Variants in GRIA1 observed in about 807,000 individuals in gnomAD.
GRIA1 encodes glutamate ionotropic receptor AMPA type subunit 1, also known as glutamate receptor 1.
In GRIA1, 31 loss-of-function variants were observed where a neutral mutation model predicts 99.2. That is an observed-to-expected ratio of 0.31 (90% CI 0.23 to 0.42). The LOEUF is 0.42. Ranked by LOEUF, GRIA1 falls within the 10% of genes least tolerant of loss-of-function variation. The pLI, the probability that GRIA1 is intolerant of heterozygous loss-of-function variation, is 1.00. For missense variants in GRIA1, 782 were observed against 1,157.5 expected (o/e 0.68, Z 4.71); for synonymous variants, 438 against 432.4 (o/e 1.01, Z -0.16).
intron 11 of GRIA1, among the ~76,000 whole-genome samples, chr5:153,749,380 A>G (rs1447301599): frequency 1.3e-5 from 2 of 152,170 alleles, no homozygotes; most frequent in Non-Finnish European, 2.9e-5. Context: ...TAATTTATAA[A>G]GAAAAGAAGT....
intron 11 of GRIA1, among the ~76,000 whole-genome samples, chr5:153,734,796 G>A (rs931509433): frequency 6.6e-6 from 1 of 152,200 alleles, no homozygotes; most frequent in African/African-American, 2.4e-5. Flanking sequence ...TGAAAAGGCA[G>A]GGGAAAGGCA....
chr5:153,791,030 T>C (rs1396674284), intron 13 of GRIA1, among the ~76,000 whole-genome samples: 1 of 152,166 alleles, frequency 6.6e-6, no homozygotes. Flanking sequence ...TGGCATTGGA[T>C]TAGAATACAG....
intron 14 of GRIA1, among the ~76,000 whole-genome samples, chr5:153,799,582 A>G (rs1294981901): frequency 2.0e-5 from 3 of 152,330 alleles, no homozygotes; most frequent in East Asian, 1.9e-4. Flanking sequence ...TGGTTGTGTT[A>G]CCTGTGATAT....
chr5:153,551,255 C>T (rs1760113005), intron 2 of GRIA1, among the ~76,000 whole-genome samples: 2 of 152,106 alleles, frequency 1.3e-5, no homozygotes, highest in South Asian at 4.1e-4. Context: ...TATTTGTCTT[C>T]GTGTGGCTTC....
intron 8 of GRIA1, among the ~76,000 whole-genome samples, chr5:153,690,106 C>A (rs1449135740): frequency 6.6e-6 from 1 of 152,122 alleles, no homozygotes; most frequent in Non-Finnish European, 1.5e-5. Flanking sequence ...CCTGGGTACT[C>A]TGCTTCTGGA....
chr5:153,531,610 C>T (rs1174921150), intron 2 of GRIA1, among the ~76,000 whole-genome samples: 2 of 152,168 alleles, frequency 1.3e-5, no homozygotes, highest in African/African-American at 4.8e-5. Context: ...CAAAAGTCTG[C>T]ACTTCCTCAG....
chr5:153,780,238 G>A (rs1377442438), intron 13 of GRIA1, among the ~76,000 whole-genome samples: 1 of 152,200 alleles, frequency 6.6e-6, no homozygotes, highest in Non-Finnish European at 1.5e-5. Context: ...GAAAGAGACG[G>A]ATTGGATATC....
chr5:153,503,989 C>A (rs1755250270), intron 2 of GRIA1, among the ~76,000 whole-genome samples: 1 of 152,320 alleles, frequency 6.6e-6, no homozygotes, highest in South Asian at 2.1e-4. Flanking sequence ...GCAGCCTTCA[C>A]CTGCCCAGCT....
intron 11 of GRIA1, among the ~76,000 whole-genome samples, chr5:153,727,684 G>A (rs1205286740): frequency 2.0e-5 from 3 of 152,250 alleles, no homozygotes; most frequent in Admixed American, 1.3e-4. Context: ...TACAAGGGAC[G>A]TGAAGGACCT....
chr5:153,552,431 G>A (rs142486091), intron 2 of GRIA1, among the ~76,000 whole-genome samples: 3 of 151,898 alleles, frequency 2.0e-5, no homozygotes, highest in Non-Finnish European at 4.4e-5. Flanking sequence ...GCCTGTTTTT[G>A]CTCTTTTTGG....
intron 2 of GRIA1, among the ~76,000 whole-genome samples, chr5:153,634,720 C>T (rs1305879282): frequency 2.0e-5 from 3 of 152,190 alleles, no homozygotes; most frequent in Admixed American, 6.5e-5. Context: ...TTTCAAATGT[C>T]GTTTTCGCAG....
At chr5:153,771,565 A>C (rs1171901640) in intron 13 of GRIA1, among the ~76,000 whole-genome samples, 1 of 152,220 alleles carries the variant, frequency 6.6e-6, no homozygotes, top group Non-Finnish European at 1.5e-5. Flanking sequence ...AGAAATAATT[A>C]ACATTTAATG....
intron 2 of GRIA1, among the ~76,000 whole-genome samples, chr5:153,578,067 C>G (rs1762714358): frequency 7.2e-6 from 1 of 139,166 alleles, no homozygotes; most frequent in African/African-American, 2.7e-5. Context: ...ATGAAAATCG[C>G]TTGAACCTAG....
chr5:153,503,350 GT>G (rs1321304413), intron 2 of GRIA1, among the ~76,000 whole-genome samples: 1 of 152,120 alleles, frequency 6.6e-6, no homozygotes, highest in Non-Finnish European at 1.5e-5. Context: ...ATCCAGTTTA[GT>G]TTCCAGATGT....
At chr5:153,517,818 C>T (rs1469536051) in intron 2 of GRIA1, among the ~76,000 whole-genome samples, 2 of 152,220 alleles carry the variant, frequency 1.3e-5, no homozygotes, top group Non-Finnish European at 2.9e-5. Flanking sequence ...GACAATGTTC[C>T]ACCTGGAGGC....
intron 2 of GRIA1, among the ~76,000 whole-genome samples, chr5:153,563,339 T>G (rs1761323126): frequency 6.6e-6 from 1 of 152,210 alleles, no homozygotes; most frequent in African/African-American, 2.4e-5. Context: ...TGATGTGAGA[T>G]AATGGAGCTT....
chr5:153,654,287 A>G (rs943246134), intron 4 of GRIA1, among the ~76,000 whole-genome samples: 5 of 152,248 alleles, frequency 3.3e-5, no homozygotes, highest in African/African-American at 9.6e-5. Flanking sequence ...ATCATATGAA[A>G]TTGCCAGTTT....
At chr5:153,618,674 T>C (rs1451989717) in intron 2 of GRIA1, among the ~76,000 whole-genome samples, 2 of 152,144 alleles carry the variant, frequency 1.3e-5, no homozygotes, top group African/African-American at 2.4e-5. Flanking sequence ...AGTTATAATA[T>C]GCACAAATGC....
chr5:153,715,838 A>G (rs988679432), intron 11 of GRIA1, among the ~76,000 whole-genome samples: 16 of 152,188 alleles, frequency 1.1e-4, no homozygotes, highest in Non-Finnish European at 1.6e-4. Context: ...TTGAATGTCC[A>G]TCTTCACAAT....
Sources: gnomAD v4.1 joint callset for allele counts (sites outside exome capture counted in the v4.1 genomes callset) on GRCh38, gnomAD v4.1.1 for gene constraint, MANE v1.5 for transcripts, NCBI Gene and HGNC (gene_info 2026-07-23, HGNC 2026-07-21) for gene names.